Variants in MAMDC4 observed in about 807,000 individuals in gnomAD.
MAMDC4 encodes the protein apical endosomal glycoprotein.
MAMDC4 carries 168 observed loss-of-function variants against 153.3 expected under a neutral mutation model. The observed-to-expected ratio is 1.10, with a 90% CI of 0.97 to 1.25. The LOEUF (loss-of-function observed/expected upper bound fraction) is 1.25, where lower values mean the gene tolerates loss of function less well. Among genes scored for constraint, MAMDC4 ranks in the 50% most tolerant of loss-of-function variants. The probability of loss-of-function intolerance (pLI) is 0.00; values close to 1 mark genes in which losing one functional copy is unlikely to be tolerated. For missense variants in MAMDC4, 1,701 were observed against 1,542.8 expected (o/e 1.10, Z -1.72); for synonymous variants, 744 against 651.5 (o/e 1.14, Z -2.16).
Position 136,860,066 on chromosome 9 carries a change from T to G in MAMDC4, c.3372+2T>G. On this transcript the variant is annotated splice_donor_variant, in intron 26 of 26. Coordinates refer to ENST00000317446, the MANE Select transcript of MAMDC4 (RefSeq NM_206920.3). LOFTEE classifies it high-confidence loss of function. The stretch of plus-strand genomic sequence containing the variant: ...TTTGACAACATCCTTTTCAATGCGG[T>G]AGGAGCCCCTGGGGATGGGTGGGCA... 6.4e-7 allele frequency: 1 copy of G among 1,560,284 alleles called. No individual in the cohort carries two copies. Among genetic ancestry groups the G allele is most frequent in the Non-Finnish European group, 8.7e-7 (1 of 1,151,860 alleles).
rs1180012461 is a variant in MAMDC4, at chr9:136,858,530, C to G, written c.2805C>G (p.Thr935=). The G allele has an allele frequency of 1.3e-6, 2 of 1,587,402 alleles. No homozygotes were observed. The highest frequency in any genetic ancestry group is 1.7e-6 in the Non-Finnish European group (2 of 1,168,188). ...SRYPQPPVDH[T]LGTEAGHFAF... is the part of the protein sequence containing the mutation. Reference sequence around the variant, plus strand: ...ACCCCCAGCCCCCTGTGGACCACACCCTGGGCACAGAGGCAGGTACGTGCC... The same window carrying G: ...ACCCCCAGCCCCCTGTGGACCACACGCTGGGCACAGAGGCAGGTACGTGCC... Residue 935 remains threonine (T), a synonymous_variant, in exon 22 of 27, where the codon ACC becomes ACG. Transcript: ENST00000317446.
Position 136,854,600 on chromosome 9 carries a change from G to C in MAMDC4, c.858G>C (p.Trp286Cys), listed in dbSNP as rs898940217. 6.2e-7 allele frequency: 1 copy of C among 1,607,836 alleles called. No individual in the cohort carries two copies. Among genetic ancestry groups the C allele is most frequent in the Non-Finnish European group, 8.5e-7 (1 of 1,178,056 alleles). The change falls in exon 8 of 27, where the codon TGG becomes TGC. Residue 286 changes from tryptophan to cysteine, a missense_variant. Physicochemically the swap from Trp to Cys is radical, Grantham distance 215 (BLOSUM62 -2). Transcript: ENST00000317446. ...GLGPWNRSEG[W>C]SRNHRAGGPE... ...GCCCATGGAACCGCTCGGAAGGCTG[G>C]TCCCGGAACCACCGCGCTGGTGGTC... is the stretch of plus-strand genomic sequence containing the variant.
At position 136,855,522 on chromosome 9, in the gene MAMDC4, G is replaced by A. The variant is rs759260047; in HGVS notation, c.1374G>A (p.Lys458=). The stretch of plus-strand genomic sequence containing the variant: ...GCTCGCGGCTCCAGGATTCCTGCAA[G>A]CAGGGGCATCTTGCCTGCGGGGACC... ...PPSSRLQDSC[K]QGHLACGDLC... The change falls in exon 12 of 27, where the codon AAG becomes AAA. Residue 458 remains lysine, a synonymous_variant. Coordinates refer to ENST00000317446, the MANE Select transcript of MAMDC4 (RefSeq NM_206920.3). The A allele has an allele frequency of 1.9e-6, 3 of 1,593,610 alleles. No individual in the cohort carries two copies. The highest frequency in any genetic ancestry group is 2.3e-5 in the East Asian group (1 of 43,996).
rs762595893 is a variant in MAMDC4, at chr9:136,857,739, C to T, written c.2407C>T (p.Pro803Ser). The T allele has an allele frequency of 1.9e-6, 3 of 1,612,674 alleles. No homozygotes were observed. The highest frequency in any genetic ancestry group is 1.1e-5 in the South Asian group (1 of 91,078). Reference sequence around the variant, plus strand: ...CTCCCTGACCTCCAAGGAGCACAGGCCCCTGGCCCAGCCTGCTTGTCTGAC... The same window carrying T: ...CTCCCTGACCTCCAAGGAGCACAGGTCCCTGGCCCAGCCTGCTTGTCTGAC... The part of the protein sequence containing the change: ...TASLTSKEHR[P>S]LAQPACLTFW... Residue 803 changes from proline (P) to serine (S), a missense_variant, in exon 19 of 27, where the codon CCC (proline) becomes TCC (serine). By Grantham distance (74) the Pro-to-Ser change is moderately conservative. Coordinates refer to ENST00000317446, the MANE Select transcript of MAMDC4 (RefSeq NM_206920.3).
Position 136,855,358 on chromosome 9 carries a change from C to G in MAMDC4, c.1282+20C>G, listed in dbSNP as rs1848988871. 2 of 1,600,590 alleles carry G rather than the reference C, an allele frequency of 1.2e-6. No individual in the cohort carries two copies. The highest frequency in any genetic ancestry group is 1.7e-6 in the Non-Finnish European group (2 of 1,172,798). ...TCTCGGGTGAGCCTGCTGACTCTGC[C>G]CTACCCTGCCTTGCCCTGGAGAGGC... On this transcript the variant is annotated intron_variant, in intron 11 of 26. Coordinates refer to ENST00000317446, the MANE Select transcript of MAMDC4 (RefSeq NM_206920.3).
Position 136,857,511 on chromosome 9 carries a change from T to A in MAMDC4, c.2251T>A (p.Trp751Arg), listed in dbSNP as rs1849023927. Residue 751 changes from tryptophan (W) to arginine (R), a missense_variant, in exon 18 of 27, where the codon TGG becomes AGG. Transcript: ENST00000317446. Reference protein sequence around the residue: ...CGFSPGGQGLWRRQANASGHA... With the variant: ...CGFSPGGQGLRRRQANASGHA... ...CTTCTCCCCTGGAGGCCAAGGTCTC[T>A]GGAGGCGGCAGGCCAATGCCTCGGG... The A allele has an allele frequency of 3.1e-6, 5 of 1,610,612 alleles. No individual in the cohort carries two copies. Among genetic ancestry groups the A allele is most frequent in the Non-Finnish European group, 4.2e-6 (5 of 1,179,954 alleles).
In MAMDC4 at chr9:136,858,263, C is replaced by T. The variant is rs970692525; in HGVS notation, c.2661C>T (p.Pro887=). The T allele has an allele frequency of 6.2e-7, 1 of 1,601,718 alleles. No homozygotes were observed. The change falls in exon 21 of 27, where the codon CCC becomes CCT. Residue 887 remains proline, a synonymous_variant. Transcript: ENST00000317446. ...ATGATCTGCTCCTCCAGGACGGGCC[C>T]TGCCCTCAGCCAGGTGGGAGCCCTG... ...ALDDLLLQDG[P]CPQPGSCDFE...
Position 136,853,603 on chromosome 9 carries a change from C to A in MAMDC4, c.387C>A (p.Arg129=), listed in dbSNP as rs1383155359. ...RGKEASTAAL[R]SPTLREAASS... Reference sequence around the variant, plus strand: ...AAGAGGCATCCACCGCAGCCCTGCGCTCGCCAACCCTGCGAGAGGCAGCCT... The same window carrying A: ...AAGAGGCATCCACCGCAGCCCTGCGATCGCCAACCCTGCGAGAGGCAGCCT... The change falls in exon 4 of 27, where the codon CGC becomes CGA. Residue 129 remains arginine, a synonymous_variant. Transcript: ENST00000317446. 1 of 1,612,542 alleles carries A rather than the reference C, an allele frequency of 6.2e-7. No individual in the cohort carries two copies. The highest frequency in any genetic ancestry group is 8.5e-7 in the Non-Finnish European group (1 of 1,179,898).
rs147930021 is a variant in MAMDC4, at chr9:136,859,268, C to T, written c.3144C>T (p.Asp1048=). 3.0e-5 allele frequency: 48 copies of T among 1,612,096 alleles called. No homozygotes were observed. Among genetic ancestry groups the T allele is most frequent in the Middle Eastern group, 3.3e-4 (2 of 6,054 alleles). Residue 1048 remains aspartate (D), a synonymous_variant, in exon 25 of 27, where the codon GAC becomes GAT. Coordinates refer to ENST00000317446, the MANE Select transcript of MAMDC4 (RefSeq NM_206920.3). ...CCCTGGGGCCCATTGCCCTGGATGA[C>T]GTGGAGTATCTGGCTGGGCAGCATT... is the stretch of plus-strand genomic sequence containing the variant. The part of the protein sequence containing the change: ...QPALGPIALD[D]VEYLAGQHCQ...
Position 136,859,243 on chromosome 9 carries a change from C to G in MAMDC4, c.3119C>G (p.Ala1040Gly), listed in dbSNP as rs776135646. The change falls in exon 25 of 27, where the codon GCC becomes GGC. Residue 1040 changes from alanine (A) to glycine (G), a missense_variant. By Grantham distance (60) the Ala-to-Gly change is moderately conservative (BLOSUM62 0). Transcript: ENST00000317446. Reference protein sequence around the residue: ...VFEATLGGQPALGPIALDDVE... With the variant: ...VFEATLGGQPGLGPIALDDVE... ...GAAGCCACTCTGGGCGGCCAGCCAG[C>G]CCTGGGGCCCATTGCCCTGGATGAC... 1 of 1,612,170 alleles carries G rather than the reference C, an allele frequency of 6.2e-7. No individual in the cohort carries two copies.
intron 20 of MAMDC4, 44 bp downstream of exon 20, chr9:136,858,141 G>GGGCT: frequency 3.9e-6 from 6 of 1,528,190 alleles, no homozygotes; most frequent in Admixed American, 1.9e-5. Context: ...CCTCCCCCGA[G>GGGCT]GGCTGCCTGG....
rs1216954868 is a variant in MAMDC4 at position 136,852,439 on chromosome 9, T to G, written c.23T>G (p.Leu8Arg). 4.3e-6 allele frequency: 7 copies of G among 1,610,364 alleles called. No individual in the cohort carries two copies. Among genetic ancestry groups the G allele is most frequent in the Non-Finnish European group, 5.1e-6 (6 of 1,179,970 alleles). The change falls in exon 1 of 27, where the codon CTG (leucine) becomes CGG (arginine). Residue 8 changes from leucine to arginine, a missense_variant. Transcript: ENST00000317446. ...ACCATGCCTCTGTCCAGCCACCTGC[T>G]GCCCGCCTTGGTCCTGTTCCTGGGT... MPLSSHL[L>R]PALVLFLAGS...
chr9:136,855,049 G>A lies in MAMDC4; in HGVS notation c.1136G>A (p.Gly379Glu). ...RAPVLLRRRR[G>E]ELGTAWVRDR... ...CCCGTCCTGCTGCGGAGGCGCCGAGGGGAGCTGGGGACCGCCTGGGTCCGA... is the reference window on the plus strand; with the variant it reads ...CCCGTCCTGCTGCGGAGGCGCCGAGAGGAGCTGGGGACCGCCTGGGTCCGA... Residue 379 changes from glycine to glutamate, a missense_variant, in exon 10 of 27, where the codon GGG becomes GAG. Coordinates refer to ENST00000317446, the MANE Select transcript of MAMDC4 (RefSeq NM_206920.3). 1 of 1,606,880 alleles carries A rather than the reference G, an allele frequency of 6.2e-7. No homozygotes were observed. Among genetic ancestry groups the A allele is most frequent in the Non-Finnish European group, 8.5e-7 (1 of 1,177,950 alleles).
intron 14 of MAMDC4, 186 bp from the exon 15 acceptor site, chr9:136,856,521 GACA>G (rs751717005): frequency 2.4e-5 from 19 of 792,218 alleles, no homozygotes; most frequent in African/African-American, 1.0e-4. Context: ...AGCTGGGGTG[GACA>G]ACGTGACCCT....
At position 136,855,639 on chromosome 9, in the gene MAMDC4, T is replaced by C. The variant is rs1469569007; in HGVS notation, c.1471+20T>C. On this transcript the variant is annotated intron_variant, in intron 12 of 26. Coordinates refer to ENST00000317446, the MANE Select transcript of MAMDC4 (RefSeq NM_206920.3). ...CCTGTGGTAAAGGGGCTCAACCTCCTGCAGACCTCCTGCTGCGGAGCCAAG... is the reference window on the plus strand; with the variant it reads ...CCTGTGGTAAAGGGGCTCAACCTCCCGCAGACCTCCTGCTGCGGAGCCAAG... 4 of 1,568,052 alleles carry C rather than the reference T, an allele frequency of 2.6e-6. No individual in the cohort carries two copies. Among genetic ancestry groups the C allele is most frequent in the Non-Finnish European group, 3.5e-6 (4 of 1,155,718 alleles).
At chr9:136,856,480 T>C (rs1849005349) in intron 14 of MAMDC4, 2 of 783,344 alleles carry the variant, frequency 2.6e-6, no homozygotes, top group East Asian at 2.4e-5. Context: ...TTTGTCGGTT[T>C]GGTGGACTTG....
rs760203965 is a variant in MAMDC4, at chr9:136,859,867, A to G, written c.3194-19A>G. 15 of 1,610,620 alleles carry G rather than the reference A, an allele frequency of 9.3e-6. No homozygotes were observed. Among genetic ancestry groups the G allele is most frequent in the Non-Finnish European group, 1.3e-5 (15 of 1,179,730 alleles). On this transcript the variant is annotated intron_variant, in intron 25 of 26. Transcript: ENST00000317446. ...GTGGGGGCTGCTTTGGAGGGCTCAC[A>G]TGTCCCTATGGCCCACAGGGAACAC...
In MAMDC4 at chr9:136,859,060, G is replaced by A. The variant is rs1372769322; in HGVS notation, c.3012G>A (p.Trp1004Ter). 4 of 1,555,696 alleles carry A rather than the reference G, an allele frequency of 2.6e-6. No homozygotes were observed. The African/African-American group carries it at 4.1e-5, about 16-fold the overall frequency. The stretch of plus-strand genomic sequence containing the variant: ...GTGCTCAGGGCCAGCTGGCTGTGTG[G>A]GGCGCAGGCGGGCATCGGCGGCACC... Reference protein sequence around the residue: ...LHSAQGQLAVWGAGGHRRHQW... With the variant: ...LHSAQGQLAV Residue 1004 changes from tryptophan (W) to a stop codon, truncating the protein, a stop_gained, in exon 24 of 27, where the codon TGG becomes TGA. Coordinates refer to ENST00000317446, the MANE Select transcript of MAMDC4 (RefSeq NM_206920.3). LOFTEE classifies it high-confidence loss of function.
At position 136,858,818 on chromosome 9, in the gene MAMDC4, G is replaced by A. The variant is rs139498291; in HGVS notation, c.2921G>A (p.Arg974His). 1.4e-4 allele frequency: 225 copies of A among 1,610,528 alleles called. No homozygotes were observed. The African/African-American group carries it at 1.7e-3, about 12-fold the overall frequency. ...CCGGCCACCCCAGCCTCCTGCCTCC[G>A]CTTCTGGTACCACATGGGTTTTCCT... ...PLPATPASCL[R>H]FWYHMGFPEH... Residue 974 changes from arginine (R) to histidine (H), a missense_variant, in exon 23 of 27, where the codon CGC becomes CAC. Transcript: ENST00000317446.
Sources: allele counts gnomAD v4.1 joint callset, GRCh38; gene constraint gnomAD v4.1.1; transcripts MANE v1.5; gene names NCBI Gene and HGNC (gene_info 2026-07-23, HGNC 2026-07-21).